Variants in MGAT4C observed in about 807,000 individuals in gnomAD.
The protein encoded by MGAT4C is alpha-1,3-mannosyl-glycoprotein 4-beta-N-acetylglucosaminyltransferase C.
Under a neutral mutation model 40.1 loss-of-function variants are expected in MGAT4C, and 19 were observed. That is an observed-to-expected ratio of 0.47 (90% CI 0.33 to 0.70). MGAT4C has a LOEUF of 0.70. Among genes scored for constraint, MGAT4C ranks in the 30% least tolerant of loss-of-function variants. MGAT4C has a pLI of 0.02. For synonymous variants in MGAT4C, 181 were observed against 187.1 expected, an observed-to-expected ratio of 0.97 and a Z score of 0.27; for missense variants, 491 against 563.2, an observed-to-expected ratio of 0.87 and a Z score of 1.30.
intron 3 of MGAT4C, among the ~76,000 whole-genome samples, chr12:86,369,214 T>C (rs1017558541): frequency 6.6e-6 from 1 of 151,972 alleles, no homozygotes; most frequent in African/African-American, 2.4e-5. Context: ...AATATCCTTT[T>C]CCATCCTTTC....
intron 2 of MGAT4C, among the ~76,000 whole-genome samples, chr12:86,547,949 G>C (rs1162044342): frequency 1.3e-5 from 2 of 152,086 alleles, no homozygotes; most frequent in Non-Finnish European, 2.9e-5. Flanking sequence ...TCAGATCTCA[G>C]TTCAAATGTC....
intron 1 of MGAT4C, among the ~76,000 whole-genome samples, chr12:86,103,593 G>A (rs1210090171): frequency 6.6e-6 from 1 of 152,084 alleles, no homozygotes; most frequent in African/African-American, 2.4e-5. Flanking sequence ...GTACCAATTT[G>A]TTATGGTAGC....
intron 2 of MGAT4C, among the ~76,000 whole-genome samples, chr12:86,719,851 G>C (rs1386463883): frequency 1.3e-5 from 2 of 152,136 alleles, no homozygotes; most frequent in Non-Finnish European, 2.9e-5. Context: ...CAGATCTCAA[G>C]GATGTTGTGG....
chr12:85,991,031 A>G (rs990979645), intron 2 of MGAT4C, among the ~76,000 whole-genome samples: 6 of 152,162 alleles, frequency 3.9e-5, no homozygotes, highest in African/African-American at 1.2e-4. Context: ...ATCGAGGAAG[A>G]ATGAGGTATT....
chr12:86,003,890 A>G (rs886573387), intron 2 of MGAT4C, among the ~76,000 whole-genome samples: 2 of 152,142 alleles, frequency 1.3e-5, no homozygotes, highest in African/African-American at 4.8e-5. Flanking sequence ...CTTTTAAGTA[A>G]TCTTCCTAGG....
At chr12:86,179,687 T>C (rs1174808833) in intron 1 of MGAT4C, among the ~76,000 whole-genome samples, 1 of 152,158 alleles carries the variant, frequency 6.6e-6, no homozygotes, top group Non-Finnish European at 1.5e-5. Context: ...CCCTAGAGAT[T>C]TGTGGAACTT....
At chr12:86,721,884 CA>C (rs981965448) in intron 2 of MGAT4C, among the ~76,000 whole-genome samples, 1 of 152,032 alleles carries the variant, frequency 6.6e-6, no homozygotes, top group African/African-American at 2.4e-5. Context: ...GGAAAATATT[CA>C]AATCTGTGAT....
At chr12:86,228,799 T>A (rs902859936) in intron 1 of MGAT4C, among the ~76,000 whole-genome samples, 11 of 151,966 alleles carry the variant, frequency 7.2e-5, no homozygotes, top group Admixed American at 5.9e-4. Context: ...AGATATTAAC[T>A]ACAGCTAGGA....
intron 2 of MGAT4C, among the ~76,000 whole-genome samples, chr12:86,556,930 TA>T (rs1461786074): frequency 6.6e-6 from 1 of 152,134 alleles, no homozygotes; most frequent in Non-Finnish European, 1.5e-5. Flanking sequence ...TTTATTCGAC[TA>T]TTTTTTTAAG....
intron 2 of MGAT4C, among the ~76,000 whole-genome samples, chr12:85,992,812 T>C (rs1488786457): frequency 6.6e-6 from 1 of 152,240 alleles, no homozygotes; most frequent in Non-Finnish European, 1.5e-5. Context: ...TGGCCTTCTT[T>C]GCCTTGCAGG....
At chr12:86,611,441 AGATAGATAGATAGAT>A (rs1962267406) in intron 2 of MGAT4C, among the ~76,000 whole-genome samples, 2 of 139,422 alleles carry the variant, frequency 1.4e-5, no homozygotes, top group Admixed American at 7.7e-5. Flanking sequence ...GATGACAGAT[AGATAGATAGATAGAT>A]GATAGATAGA....
At chr12:86,104,879 C>T (rs148344440) in intron 1 of MGAT4C, among the ~76,000 whole-genome samples, 3 of 151,724 alleles carry the variant, frequency 2.0e-5, no homozygotes, top group Admixed American at 6.6e-5. Context: ...TTTAACAGAC[C>T]GTGTTCCTGG....
At chr12:86,057,064 T>C (rs188366370) in intron 1 of MGAT4C, among the ~76,000 whole-genome samples, 282 of 152,242 alleles carry the variant, frequency 1.9e-3, no homozygotes, top group African/African-American at 6.5e-3. Flanking sequence ...GTTGAACTTA[T>C]ATTAATTTTA....
At chr12:86,213,115 T>C (rs1335830092) in intron 1 of MGAT4C, among the ~76,000 whole-genome samples, 1 of 152,132 alleles carries the variant, frequency 6.6e-6, no homozygotes, top group Admixed American at 6.6e-5. Flanking sequence ...ACATTAGCTT[T>C]GTCTGCTGAG....
At chr12:86,627,830 G>A (rs1050601216) in intron 2 of MGAT4C, among the ~76,000 whole-genome samples, 11 of 152,128 alleles carry the variant, frequency 7.2e-5, no homozygotes, top group Non-Finnish European at 1.0e-4. Context: ...ACCAGAGTGC[G>A]CCTTCTCCTC....
At chr12:86,187,823 C>G (rs117305299) in intron 1 of MGAT4C, among the ~76,000 whole-genome samples, 2 of 151,720 alleles carry the variant, frequency 1.3e-5, no homozygotes, top group Non-Finnish European at 2.9e-5. Flanking sequence ...ATCTAAGGTG[C>G]GCTTCACTAA....
intron 1 of MGAT4C, among the ~76,000 whole-genome samples, chr12:86,757,675 C>T (rs1432315222): frequency 1.3e-5 from 2 of 152,046 alleles, no homozygotes; most frequent in East Asian, 3.9e-4. Context: ...GATATTTATG[C>T]TTAAAAATGT....
intron 2 of MGAT4C, among the ~76,000 whole-genome samples, chr12:86,514,079 C>CA (rs1555199269): frequency 6.6e-6 from 1 of 150,632 alleles, no homozygotes. Flanking sequence ...CACACACACA[C>CA]ACACACACAC....
intron 1 of MGAT4C, among the ~76,000 whole-genome samples, chr12:86,825,931 C>T (rs1019824127): frequency 1.3e-5 from 2 of 151,252 alleles, no homozygotes; most frequent in African/African-American, 4.8e-5. Flanking sequence ...TAATTTTCTC[C>T]AAAAGAGACT....
Sources: gnomAD v4.1 joint callset for allele counts (sites outside exome capture counted in the v4.1 genomes callset) on GRCh38, gnomAD v4.1.1 for gene constraint, MANE v1.5 for transcripts, NCBI Gene and HGNC (gene_info 2026-07-23, HGNC 2026-07-21) for gene names.